GRAMD1C: variants seen among roughly 807,000 people sequenced by gnomAD.
GRAMD1C encodes the protein GRAM domain containing 1C, also known as protein Aster-C.
A neutral mutation model predicts 97.8 loss-of-function variants in GRAMD1C; 89 were observed. The ratio of observed to expected loss-of-function variants is 0.91; its 90% CI spans 0.77 to 1.09. The LOEUF is 1.09. GRAMD1C is among the 50% of genes least tolerant of loss of function. The pLI is 0.00. For missense variants in GRAMD1C, 740 were observed against 766.4 expected (o/e 0.97, Z 0.41); for synonymous variants, 256 against 267.0 (o/e 0.96, Z 0.40).
At chr3:113,886,483 G>C (rs1935485770) in intron 6 of GRAMD1C, among the ~76,000 whole-genome samples, 1 of 152,120 alleles carries the variant, frequency 6.6e-6, no homozygotes, top group African/African-American at 2.4e-5. Flanking sequence ...GGGATACTGG[G>C]ATTTTGGGCC....
intron 3 of GRAMD1C, among the ~76,000 whole-genome samples, chr3:113,875,223 T>G (rs1934979766): frequency 6.6e-6 from 1 of 152,164 alleles, no homozygotes; most frequent in African/African-American, 2.4e-5. Context: ...TTCTCTACAC[T>G]TGGGTCATTA....
At position 113,915,739 on chromosome 3, in the gene GRAMD1C, A is replaced by G. The variant is rs1936787737; in HGVS notation, c.991A>G (p.Ile331Val). The stretch of plus-strand genomic sequence containing the variant: ...GAAAGATCTTCATGGAAGACTTTTT[A>G]TCAACCGTATTTTTCATATCAGTGC... ...PEKDLHGRLF[I>V]NRIFHISADR... The change falls in exon 10 of 18, where the codon ATC (isoleucine) becomes GTC (valine). Residue 331 changes from isoleucine (I) to valine (V), a missense_variant. Transcript: ENST00000358160. The G allele has an allele frequency of 1.2e-6, 2 of 1,609,800 alleles. No individual in the cohort carries two copies. The highest frequency in any genetic ancestry group is 1.7e-6 in the Non-Finnish European group (2 of 1,176,734).
At chr3:113,853,366 A>T (rs897197974) in intron 2 of GRAMD1C, among the ~76,000 whole-genome samples, 3 of 152,244 alleles carry the variant, frequency 2.0e-5, no homozygotes, top group Non-Finnish European at 2.9e-5. Context: ...AGGAAATAGT[A>T]GAGAAGTCCG....
chr3:113,880,073 G>A (rs1935202658), intron 5 of GRAMD1C, among the ~76,000 whole-genome samples: 2 of 152,148 alleles, frequency 1.3e-5, no homozygotes, highest in African/African-American at 2.4e-5. Context: ...CACTCCTAGT[G>A]TGGATGCCTA....
chr3:113,946,613 T>C lies in GRAMD1C; in HGVS notation c.*1135T>C, dbSNP rs539072156. On this transcript the variant is annotated 3_prime_UTR_variant, in exon 18 of 18. Transcript: ENST00000358160. ...TCAAGAGTTAGGGAAAGTTGAAGTGTTTTACTGTTTTGTCTCTTGAGCCCT... is the reference window on the plus strand; with the variant it reads ...TCAAGAGTTAGGGAAAGTTGAAGTGCTTTACTGTTTTGTCTCTTGAGCCCT... 1 of 152,334 alleles carries C rather than the reference T, an allele frequency of 6.6e-6. No homozygotes were observed. The highest frequency in any genetic ancestry group is 2.4e-5 in the African/African-American group (1 of 41,574). 9.4% of individuals were successfully genotyped at this position (152,334 alleles called of 1,614,324 possible). A position where few individuals can be genotyped will look rare whatever the true frequency, so the allele number is the denominator to read the frequency against.
At chr3:113,932,936 G>A (rs1175491860) in intron 11 of GRAMD1C, among the ~76,000 whole-genome samples, 6 of 149,550 alleles carry the variant, frequency 4.0e-5, no homozygotes, top group South Asian at 2.1e-4. Flanking sequence ...AGGCTGGAGC[G>A]CAGTGAGGCG....
At chr3:113,862,970 C>G (rs1178302072) in intron 2 of GRAMD1C, among the ~76,000 whole-genome samples, 1 of 152,146 alleles carries the variant, frequency 6.6e-6, no homozygotes, top group Non-Finnish European at 1.5e-5. Flanking sequence ...GAAGTTAAAA[C>G]TCTCATACAT....
intron 11 of GRAMD1C, among the ~76,000 whole-genome samples, chr3:113,931,931 T>A (rs1337351172): frequency 2.6e-5 from 4 of 151,728 alleles, no homozygotes; most frequent in Non-Finnish European, 5.9e-5. Context: ...GTCTCAAAAA[T>A]AAAAAATAAA....
At chr3:113,934,311 G>T (rs1213699997) in intron 12 of GRAMD1C, 121 bp from the exon 13 acceptor site, 3 of 591,804 alleles carry the variant, frequency 5.1e-6, no homozygotes, top group African/African-American at 3.9e-5. Context: ...TTTCTTTTAT[G>T]ATATTAATGA....
At chr3:113,929,244 T>G (rs912631664) in intron 10 of GRAMD1C, among the ~76,000 whole-genome samples, 1 of 152,370 alleles carries the variant, frequency 6.6e-6, no homozygotes, top group East Asian at 1.9e-4. Flanking sequence ...TATATCAAAA[T>G]GGTTCATATG....
chr3:113,946,119 A>G lies in GRAMD1C; in HGVS notation c.*641A>G, dbSNP rs1361204281. On this transcript the variant is annotated 3_prime_UTR_variant, in exon 18 of 18. Coordinates refer to ENST00000358160, the MANE Select transcript of GRAMD1C (RefSeq NM_017577.5). Reference sequence around the variant, plus strand: ...ATAGTTGTTTTTTCTTAAGGTAACTATCAGAGGTGGGATTATCTTGCCTCC... The same window carrying G: ...ATAGTTGTTTTTTCTTAAGGTAACTGTCAGAGGTGGGATTATCTTGCCTCC... The G allele has an allele frequency of 2.6e-5, 4 of 152,620 alleles. No homozygotes were observed. The highest frequency in any genetic ancestry group is 9.7e-5 in the African/African-American group (4 of 41,448). The allele number at this position is 152,620 out of a possible 1,614,324, so 9.5% of individuals were successfully genotyped here.
intron 6 of GRAMD1C, among the ~76,000 whole-genome samples, chr3:113,895,263 T>TC (rs1365570684): frequency 6.6e-6 from 1 of 152,166 alleles, no homozygotes; most frequent in Non-Finnish European, 1.5e-5. Flanking sequence ...TTCTGGGCGA[T>TC]AGAAGAAAAG....
chr3:113,932,361 GC>G (rs916280592), intron 11 of GRAMD1C, among the ~76,000 whole-genome samples: 35 of 152,176 alleles, frequency 2.3e-4, no homozygotes, highest in South Asian at 1.0e-3. Flanking sequence ...AACTTTGGAA[GC>G]CCCCCCAACC....
In GRAMD1C at chr3:113,936,444, T is replaced by C; in HGVS notation, c.1633+2T>C. The C allele has an allele frequency of 6.3e-7, 1 of 1,583,458 alleles. No individual in the cohort carries two copies. The highest frequency in any genetic ancestry group is 8.6e-7 in the Non-Finnish European group (1 of 1,159,994). On this transcript the variant is annotated splice_donor_variant, in intron 14 of 17. Coordinates refer to ENST00000358160, the MANE Select transcript of GRAMD1C (RefSeq NM_017577.5). LOFTEE classifies it high-confidence loss of function. ...TAGGTGCCAAAGGGGATATTACAGG[T>C]AGTTGTCACCTGGTAAACAGAGATG...
At chr3:113,834,894 C>T (rs1302497229), upstream of GRAMD1C, among the ~76,000 whole-genome samples, 1 of 147,150 alleles carries the variant, frequency 6.8e-6, no homozygotes, top group African/African-American at 2.5e-5. Flanking sequence ...GAACTGAGGT[C>T]GTGCCATTGC....
rs751182613 is a variant in GRAMD1C at position 113,838,948 on chromosome 3, G to A, written c.27+12G>A. On this transcript the variant is annotated intron_variant, in intron 1 of 17. Transcript: ENST00000358160. ...CGACTGTCCGTCAGGTAAGCCGCGG[G>A]CCTCGCTGGGGCAGGTTCCCATCTG... 1 of 1,219,240 alleles carries A rather than the reference G, an allele frequency of 8.2e-7. No individual in the cohort carries two copies. Among genetic ancestry groups the A allele is most frequent in the Admixed American group, 4.1e-5 (1 of 24,122 alleles). 75.5% of individuals were successfully genotyped at this position (1,219,240 alleles called of 1,614,324 possible).
At chr3:113,855,755 G>A (rs1430265086) in intron 2 of GRAMD1C, among the ~76,000 whole-genome samples, 1 of 151,844 alleles carries the variant, frequency 6.6e-6, no homozygotes, top group Non-Finnish European at 1.5e-5. Context: ...GATTTTAATT[G>A]CATTATTTCT....
chr3:113,848,918 T>C (rs1933730712), intron 2 of GRAMD1C, among the ~76,000 whole-genome samples: 1 of 152,164 alleles, frequency 6.6e-6, no homozygotes, highest in Admixed American at 6.5e-5. Flanking sequence ...GAAATGAAAT[T>C]TAAAATAATG....
chr3:113,834,939 C>CA (rs58338279), upstream of GRAMD1C, among the ~76,000 whole-genome samples: 152 of 126,036 alleles, frequency 1.2e-3, no homozygotes, highest in African/African-American at 4.0e-3. Context: ...AACTCCGTCT[C>CA]AAAAAAAAAA....
Sources: gnomAD v4.1 joint callset for allele counts (sites outside exome capture counted in the v4.1 genomes callset) on GRCh38, gnomAD v4.1.1 for gene constraint, MANE v1.5 for transcripts, NCBI Gene and HGNC (gene_info 2026-07-23, HGNC 2026-07-21) for gene names.